The following RNF144B variants were observed in gnomAD, a reference collection of about 807,000 sequenced individuals.
The protein encoded by RNF144B is ring finger protein 144B.
In RNF144B, 25 loss-of-function variants were observed where a neutral mutation model predicts 40.2. The ratio of observed to expected loss-of-function variants is 0.62; its 90% CI spans 0.45 to 0.87. RNF144B has a LOEUF of 0.87. Among genes scored for constraint, RNF144B ranks in the 40% least tolerant of loss-of-function variants. The pLI is 0.00. For synonymous variants in RNF144B, 145 were observed against 136.3 expected (o/e 1.06, Z -0.44); for missense variants, 365 against 373.7 (o/e 0.98, Z 0.19).
chr6:18,427,121 T>C (rs971871866), intron 2 of RNF144B, among the ~76,000 whole-genome samples: 1 of 152,224 alleles, frequency 6.6e-6, no homozygotes, highest in East Asian at 1.9e-4. Context: ...TTAAGCGTGG[T>C]CCTAGAAATG....
chr6:18,465,274 C>A lies in RNF144B; in HGVS notation c.*207C>A. On this transcript the variant is annotated 3_prime_UTR_variant, in exon 8 of 8. Transcript: ENST00000259939. ...CCTGTGTAACAAGAACTGGGCTCAA[C>A]GGTCCAGCTGTTTCTATGGAGCTTT... is the stretch of plus-strand genomic sequence containing the variant. 1 of 582,450 alleles carries A rather than the reference C, an allele frequency of 1.7e-6. No homozygotes were observed. The highest frequency in any genetic ancestry group is 3.1e-6 in the Non-Finnish European group (1 of 327,312). 36.1% of individuals were successfully genotyped at this position (582,450 alleles called of 1,614,324 possible).
intron 4 of RNF144B, among the ~76,000 whole-genome samples, chr6:18,449,866 A>G (rs1759170425): frequency 6.6e-6 from 1 of 152,180 alleles, no homozygotes; most frequent in South Asian, 2.1e-4. Context: ...ATCTCTAGCA[A>G]TTCTAAGTTA....
At chr6:18,396,363 C>G in intron 1 of RNF144B, 1 of 946,152 alleles carries the variant, frequency 1.1e-6, no homozygotes, top group East Asian at 1.2e-4. Context: ...CCAATTATGT[C>G]TTTGTTTTTC....
At position 18,395,718 on chromosome 6, in the gene RNF144B, C is replaced by G. The variant is rs1006502459; in HGVS notation, c.-36-3781C>G. 1.3e-5 allele frequency among the ~76,000 whole-genome samples: 2 copies of G among 151,854 alleles called. No individual in the cohort carries two copies. The highest frequency in any genetic ancestry group is 4.8e-5 in the African/African-American group (2 of 41,306). On this transcript the variant is annotated intron_variant, in intron 1 of 7. Coordinates refer to ENST00000259939, the MANE Select transcript of RNF144B (RefSeq NM_182757.4). This position sits in a 1 kb window ranked among gnomAD's most constrained non-coding sequence, Gnocchi z 4.5. ...CAGGTTTAGGCTTCTGCAATGGTGC[C>G]TGGGGGGCTGCTGAGTGGGGAAGGT...
intron 1 of RNF144B, 63 bp from the exon 2 acceptor site, chr6:18,399,436 G>C: frequency 1.7e-6 from 2 of 1,180,236 alleles, no homozygotes; most frequent in East Asian, 2.6e-5. Flanking sequence ...GCCTCCAGAC[G>C]TGTTGGCTAA....
chr6:18,468,495 TTG>T lies in RNF144B; in HGVS notation c.*3429_*3430del, dbSNP rs1287560456. The T allele has an allele frequency of 6.6e-6, 1 of 152,228 alleles. No homozygotes were observed. The highest frequency in any genetic ancestry group is 1.5e-5 in the Non-Finnish European group (1 of 68,046). The allele number at this position is 152,228 out of a possible 1,614,324, so 9.4% of individuals were successfully genotyped here. On this transcript the variant is annotated 3_prime_UTR_variant, in exon 8 of 8. Coordinates refer to ENST00000259939, the MANE Select transcript of RNF144B (RefSeq NM_182757.4). ...CAGGTTTGCAAATGTACATGTTCAT[TTG>T]AATGTAAATCACCATTTCTTGGAAC...
At chr6:18,397,632 A>G (rs1408818162) in intron 1 of RNF144B, among the ~76,000 whole-genome samples, 1 of 152,164 alleles carries the variant, frequency 6.6e-6, no homozygotes, top group East Asian at 1.9e-4. Context: ...TCCCATGGTC[A>G]TGCTGTGTGG....
intron 2 of RNF144B, among the ~76,000 whole-genome samples, chr6:18,407,820 A>G (rs903469918): frequency 3.3e-5 from 5 of 152,090 alleles, no homozygotes; most frequent in African/African-American, 9.7e-5. Context: ...GCTCAGTCCA[A>G]TGTAGGAAAT....
rs1459723789 is a variant in RNF144B, at chr6:18,465,258, C to G, written c.*191C>G. 3.0e-5 allele frequency: 18 copies of G among 607,196 alleles called. No homozygotes were observed. In the South Asian group the frequency reaches 3.7e-4, roughly 13 times the overall value. The allele number at this position is 607,196 out of a possible 1,614,324, so 37.6% of individuals were successfully genotyped here. ...CCTGGGTGTGAGTGTTCCTGTGTAA[C>G]AAGAACTGGGCTCAACGGTCCAGCT... On this transcript the variant is annotated 3_prime_UTR_variant, in exon 8 of 8. Coordinates refer to ENST00000259939, the MANE Select transcript of RNF144B (RefSeq NM_182757.4).
chr6:18,440,810 A>T (rs7770456), intron 4 of RNF144B, among the ~76,000 whole-genome samples: 37,842 of 103,122 alleles, frequency 0.37, 5,290 homozygotes, highest in South Asian at 0.49. Flanking sequence ...TTTTTTTTTT[A>T]AAAATCCAGC....
In RNF144B at chr6:18,387,490, A is replaced by T. The variant is rs974637510; in HGVS notation, c.-177A>T. 8 of 1,295,790 alleles carry T rather than the reference A, an allele frequency of 6.2e-6. No individual in the cohort carries two copies. In the Admixed American group the frequency reaches 1.8e-4, roughly 30 times the overall value. The allele number at this position is 1,295,790 out of a possible 1,614,324, so 80.3% of individuals were successfully genotyped here. A position where few individuals can be genotyped will look rare whatever the true frequency, so the allele number is the denominator to read the frequency against. ...CCTGTTGCAGTCTTGCAAAGTGTAA[A>T]GCTGTCAGCCGCAGAGCACGGAGGA... On this transcript the variant is annotated 5_prime_UTR_variant, in exon 1 of 8. In the 5' UTR this introduces an upstream ATG that the reference lacks. Transcript: ENST00000259939.
chr6:18,396,937 C>T (rs1794705144), intron 1 of RNF144B: 1 of 392,560 alleles, frequency 2.5e-6, no homozygotes, highest in Admixed American at 6.4e-5. Flanking sequence ...TCTTGGATGA[C>T]AGCTCCTCAG....
Position 18,448,438 on chromosome 6 carries a change from G to A in RNF144B, c.331+8694G>A, listed in dbSNP as rs2113525349. ...CTAGGTGCAATAAGAAGGAGGGTCA[G>A]CAGCTGAGAGTGAGAAGAGAAAAGG... On this transcript the variant is annotated intron_variant, in intron 4 of 7. Coordinates refer to ENST00000259939, the MANE Select transcript of RNF144B (RefSeq NM_182757.4). The surrounding 1 kb of genome is among the most constrained non-coding windows in gnomAD (Gnocchi z 4.0). 6.6e-6 allele frequency among the ~76,000 whole-genome samples: 1 copy of A among 152,210 alleles called. No homozygotes were observed. The highest frequency in any genetic ancestry group is 2.1e-4 in the South Asian group (1 of 4,814).
intron 2 of RNF144B, among the ~76,000 whole-genome samples, chr6:18,408,135 T>C (rs2147217): frequency 0.64 from 97,674 of 151,568 alleles, 31,739 homozygotes; most frequent in Non-Finnish European, 0.69. Flanking sequence ...TAGGTGCCTG[T>C]CACCATGCCC....
At chr6:18,393,120 A>C (rs1175788220) in intron 1 of RNF144B, among the ~76,000 whole-genome samples, 1 of 42,440 alleles carries the variant, frequency 2.4e-5, no homozygotes, top group Non-Finnish European at 5.1e-5. Flanking sequence ...ACTCCATCTC[A>C]AAAAAAAAAA....
At chr6:18,431,778 G>A (rs1201843046) in intron 3 of RNF144B, among the ~76,000 whole-genome samples, 6 of 152,190 alleles carry the variant, frequency 3.9e-5, no homozygotes, top group African/African-American at 1.2e-4. Context: ...AAGGATGGCA[G>A]GAATGTAAGC....
At chr6:18,423,632 A>G (rs1758484966) in intron 2 of RNF144B, among the ~76,000 whole-genome samples, 1 of 152,180 alleles carries the variant, frequency 6.6e-6, no homozygotes, top group South Asian at 2.1e-4. Flanking sequence ...AGTAGATTCC[A>G]TTGCATACAA....
rs1383522676 is a variant in RNF144B at position 18,457,145 on chromosome 6, T to G, written c.332-10T>G. ...GGCAGACCATCACATTTTCTTTCTT[T>G]ACACTTTAGAAGTTCATCTGGACCC... On this transcript the variant is annotated splice_polypyrimidine_tract_variant and intron_variant, in intron 4 of 7. Transcript: ENST00000259939. The surrounding 1 kb of genome is among the most constrained non-coding windows in gnomAD (Gnocchi z 5.1). 1.2e-6 allele frequency: 2 copies of G among 1,605,158 alleles called. No individual in the cohort carries two copies. Among genetic ancestry groups the G allele is most frequent in the Non-Finnish European group, 1.7e-6 (2 of 1,172,838 alleles).
rs545563903 is a variant in RNF144B, at chr6:18,422,776, G to A, written c.166-4805G>A. 3.3e-5 allele frequency among the ~76,000 whole-genome samples: 5 copies of A among 152,142 alleles called. No individual in the cohort carries two copies. In the South Asian group the frequency reaches 1.0e-3, roughly 32 times the overall value. On this transcript the variant is annotated intron_variant, in intron 2 of 7. Transcript: ENST00000259939. This position sits in a 1 kb window ranked among gnomAD's most constrained non-coding sequence, Gnocchi z 4.7. ...CAGGAGTTTGAGACCAGCCTGCTTG[G>A]GCAACATAGACCCAATTTCAATCAA...
Sources: gnomAD v4.1 joint callset for allele counts (sites outside exome capture counted in the v4.1 genomes callset) on GRCh38, gnomAD v4.1.1 for gene constraint, Gnocchi (gnomAD v3.1) non-coding constraint, MANE v1.5 for transcripts, NCBI Gene and HGNC (gene_info 2026-07-23, HGNC 2026-07-21) for gene names.